The following PHACTR1 variants were observed in gnomAD, a reference collection of about 807,000 sequenced individuals.
PHACTR1 encodes RPEL repeat containing 1.
Under a neutral mutation model 69.2 loss-of-function variants are expected in PHACTR1, and 16 were observed. That is an observed-to-expected ratio of 0.23 (90% CI 0.16 to 0.35). The LOEUF (loss-of-function observed/expected upper bound fraction) is 0.35, where lower values mean the gene tolerates loss of function less well. PHACTR1 is among the 10% of genes least tolerant of loss of function. The pLI is 1.00. For synonymous variants in PHACTR1, 312 were observed against 284.5 expected (o/e 1.10, Z -0.97); for missense variants, 510 against 734.7 (o/e 0.69, Z 3.54).
intron 10 of PHACTR1, among the ~76,000 whole-genome samples, chr6:13,250,441 AG>A: frequency 6.6e-6 from 1 of 152,356 alleles, no homozygotes; most frequent in African/African-American, 2.4e-5. Flanking sequence ...AATACGGTCC[AG>A]TTTTTCAAAC....
At chr6:12,863,194 C>T (rs1426852916) in intron 4 of PHACTR1, among the ~76,000 whole-genome samples, 1 of 152,200 alleles carries the variant, frequency 6.6e-6, no homozygotes, top group African/African-American at 2.4e-5. Flanking sequence ...AATGAAGTAC[C>T]ACAGACTGGG....
At chr6:13,273,833 G>A (rs1427170718) in intron 11 of PHACTR1, 1 of 152,242 alleles carries the variant, frequency 6.6e-6, no homozygotes, top group African/African-American at 2.4e-5. Context: ...CTCCAGAAGA[G>A]AAAGATATAT....
intron 4 of PHACTR1, among the ~76,000 whole-genome samples, chr6:12,773,545 C>T (rs1769656629): frequency 6.6e-6 from 1 of 152,110 alleles, no homozygotes. Context: ...ACTTGAAAAA[C>T]ACACTTTAAA....
chr6:13,071,916 T>C (rs1006112690), intron 5 of PHACTR1, among the ~76,000 whole-genome samples: 1 of 152,220 alleles, frequency 6.6e-6, no homozygotes, highest in Non-Finnish European at 1.5e-5. Flanking sequence ...TATTTCCAGA[T>C]GTTTCTAAGA....
intron 4 of PHACTR1, among the ~76,000 whole-genome samples, chr6:12,877,901 T>C (rs564103991): frequency 7.9e-5 from 12 of 152,346 alleles, no homozygotes; most frequent in African/African-American, 2.4e-4. Context: ...TTCTTGACTC[T>C]CTGGCATCTG....
In PHACTR1 at chr6:12,745,536, G is replaced by A. The variant is rs566564324; in HGVS notation, c.104-4108G>A. On this transcript the variant is annotated intron_variant, in intron 3 of 14. Coordinates refer to ENST00000332995, the MANE Select transcript of PHACTR1 (RefSeq NM_030948.6). ...CACACATATAAACAATCATGTGGGT[G>A]TTGTCACATGATGGAAACAGCATGA... Among the ~76,000 whole-genome samples, 5 of 152,224 alleles carry A rather than the reference G, an allele frequency of 3.3e-5. No individual in the cohort carries two copies. The South Asian group carries it at 1.0e-3, about 32-fold the overall frequency.
intron 3 of PHACTR1, among the ~76,000 whole-genome samples, chr6:12,739,442 A>G (rs1342198829): frequency 6.6e-6 from 1 of 152,232 alleles, no homozygotes; most frequent in Non-Finnish European, 1.5e-5. Flanking sequence ...ATTTATTAAT[A>G]CTGTGGTTTT....
At chr6:12,993,793 G>A (rs934920865) in intron 4 of PHACTR1, among the ~76,000 whole-genome samples, 2 of 152,100 alleles carry the variant, frequency 1.3e-5, no homozygotes, top group African/African-American at 4.8e-5. Flanking sequence ...AGCTAAAAGC[G>A]AACATATTTT....
At chr6:12,989,807 A>G (rs937609308) in intron 4 of PHACTR1, among the ~76,000 whole-genome samples, 3 of 152,252 alleles carry the variant, frequency 2.0e-5, no homozygotes, top group Admixed American at 1.3e-4. Flanking sequence ...GCAATGTGTC[A>G]TAGGCGTAAT....
At chr6:13,061,154 C>G (rs1038315911) in intron 5 of PHACTR1, among the ~76,000 whole-genome samples, 9 of 152,196 alleles carry the variant, frequency 5.9e-5, no homozygotes, top group Non-Finnish European at 8.8e-5. Context: ...TCAAGTCTCT[C>G]TCTTTCTCCT....
chr6:12,993,177 T>A (rs1459177723), intron 4 of PHACTR1, among the ~76,000 whole-genome samples: 1 of 152,222 alleles, frequency 6.6e-6, no homozygotes, highest in Non-Finnish European at 1.5e-5. Flanking sequence ...ATTTTGGGGC[T>A]GCTTTTTACT....
At chr6:12,877,735 T>A (rs1005086479) in intron 4 of PHACTR1, among the ~76,000 whole-genome samples, 2 of 152,236 alleles carry the variant, frequency 1.3e-5, no homozygotes, top group Non-Finnish European at 2.9e-5. Context: ...AGAGGATTCA[T>A]GTCCCCACGC....
chr6:12,995,243 TA>T (rs35830595), intron 4 of PHACTR1, among the ~76,000 whole-genome samples: 3,773 of 139,346 alleles, frequency 0.027, 124 homozygotes, highest in African/African-American at 0.085. Context: ...TGACAACTAT[TA>T]AAAAAAAAAA....
chr6:13,135,739 C>G (rs989929376), intron 5 of PHACTR1, among the ~76,000 whole-genome samples: 1 of 151,960 alleles, frequency 6.6e-6, no homozygotes, highest in Non-Finnish European at 1.5e-5. Flanking sequence ...GTATTTTAGG[C>G]CAGGTACGGT....
At chr6:12,908,865 G>T (rs1045152327) in intron 4 of PHACTR1, among the ~76,000 whole-genome samples, 3 of 152,184 alleles carry the variant, frequency 2.0e-5, no homozygotes, top group Non-Finnish European at 4.4e-5. Flanking sequence ...TTGACAACAT[G>T]AGAACCGCTT....
At chr6:12,784,207 C>T (rs918900830) in intron 4 of PHACTR1, among the ~76,000 whole-genome samples, 2 of 151,798 alleles carry the variant, frequency 1.3e-5, no homozygotes, top group South Asian at 2.1e-4. Context: ...TATATCTATA[C>T]ACACATATAC....
intron 4 of PHACTR1, among the ~76,000 whole-genome samples, chr6:12,916,109 C>A (rs1786960483): frequency 6.6e-6 from 1 of 152,280 alleles, no homozygotes; most frequent in South Asian, 2.1e-4. Context: ...CTCAGTTTTC[C>A]ATAAGCCTAA....
intron 4 of PHACTR1, among the ~76,000 whole-genome samples, chr6:12,959,453 A>G (rs546645807): frequency 1.3e-5 from 2 of 152,220 alleles, no homozygotes; most frequent in South Asian, 2.1e-4. Flanking sequence ...CTAAAAAAGC[A>G]TAACAAAGTT....
At chr6:13,195,252 A>G (rs901632180) in intron 7 of PHACTR1, among the ~76,000 whole-genome samples, 15 of 152,174 alleles carry the variant, frequency 9.9e-5, no homozygotes, top group African/African-American at 3.6e-4. Flanking sequence ...GCCCTTTATT[A>G]TAGTCCACCA....
Sources: allele counts gnomAD v4.1 joint callset (sites outside exome capture counted in the v4.1 genomes callset), GRCh38; gene constraint gnomAD v4.1.1; transcripts MANE v1.5; gene names NCBI Gene and HGNC (gene_info 2026-07-23, HGNC 2026-07-21).